GABBR2: variants seen among roughly 807,000 people sequenced by gnomAD.
The protein encoded by GABBR2 is G-protein coupled receptor 51.
GABBR2 carries 23 observed loss-of-function variants against 105.6 expected under a neutral mutation model. The observed-to-expected ratio is 0.22, with a 90% CI of 0.16 to 0.31. The LOEUF is 0.31. Ranked by LOEUF, GABBR2 falls within the 10% of genes least tolerant of loss-of-function variation. GABBR2 has a pLI of 1.00. For missense variants in GABBR2, 734 were observed against 1,245.5 expected (o/e 0.59, Z 6.18); for synonymous variants, 478 against 499.7 (o/e 0.96, Z 0.58).
intron 7 of GABBR2, among the ~76,000 whole-genome samples, chr9:98,435,035 T>C (rs1207256398): frequency 6.6e-6 from 1 of 152,122 alleles, no homozygotes; most frequent in Non-Finnish European, 1.5e-5. Context: ...CCTCCATAGA[T>C]CATGAAAGCC....
intron 4 of GABBR2, among the ~76,000 whole-genome samples, chr9:98,494,370 C>G (rs1827234990): frequency 6.6e-6 from 1 of 152,268 alleles, no homozygotes. Context: ...AAGGGGATGA[C>G]TGGACAAAGA....
intron 1 of GABBR2, among the ~76,000 whole-genome samples, chr9:98,643,480 T>G (rs1038884866): frequency 1.3e-5 from 2 of 152,242 alleles, no homozygotes; most frequent in Admixed American, 6.5e-5. Context: ...TAGAAAGATT[T>G]TAAGAGAGAA....
chr9:98,685,000 C>G (rs1478623783), intron 1 of GABBR2, among the ~76,000 whole-genome samples: 1 of 152,156 alleles, frequency 6.6e-6, no homozygotes, highest in Admixed American at 6.6e-5. Flanking sequence ...CTGGGTGTGT[C>G]TGTGAGGGTG....
At chr9:98,640,332 G>C (rs1471604361) in intron 1 of GABBR2, among the ~76,000 whole-genome samples, 1 of 152,038 alleles carries the variant, frequency 6.6e-6, no homozygotes, top group East Asian at 1.9e-4. Flanking sequence ...AACTCCATTA[G>C]TCATGGACAT....
At chr9:98,683,102 C>T (rs1830570305) in intron 1 of GABBR2, among the ~76,000 whole-genome samples, 1 of 152,136 alleles carries the variant, frequency 6.6e-6, no homozygotes, top group Non-Finnish European at 1.5e-5. Flanking sequence ...TTCCCCCCTC[C>T]ACCTCCCCCG....
At chr9:98,393,835 C>G (rs1564049002) in intron 9 of GABBR2, among the ~76,000 whole-genome samples, 1 of 152,236 alleles carries the variant, frequency 6.6e-6, no homozygotes, top group Non-Finnish European at 1.5e-5. Context: ...GGAAGAGCAG[C>G]AGATAGACAG....
chr9:98,453,862 A>C (rs1180452863), intron 7 of GABBR2, 119 bp downstream of exon 7: 5 of 758,530 alleles, frequency 6.6e-6, no homozygotes, highest in Non-Finnish European at 9.3e-6. Flanking sequence ...GCCTGCAATT[A>C]GTTATTTCAA....
chr9:98,568,250 G>A (rs1416131432), intron 2 of GABBR2, among the ~76,000 whole-genome samples: 3 of 152,156 alleles, frequency 2.0e-5, no homozygotes, highest in African/African-American at 2.4e-5. Flanking sequence ...GTGGCACCAG[G>A]CATGGAGAGA....
chr9:98,702,146 G>A (rs2131887659), intron 1 of GABBR2, among the ~76,000 whole-genome samples: 1 of 152,146 alleles, frequency 6.6e-6, no homozygotes, highest in African/African-American at 2.4e-5. Flanking sequence ...TACAAACCCA[G>A]GTCTCCTGAC....
intron 3 of GABBR2, among the ~76,000 whole-genome samples, chr9:98,513,557 C>CAA (rs998840864): frequency 5.9e-4 from 84 of 142,532 alleles, no homozygotes; most frequent in African/African-American, 2.1e-3. Flanking sequence ...AACAATTTTA[C>CAA]AAAAAAAAAA....
intron 1 of GABBR2, among the ~76,000 whole-genome samples, chr9:98,641,619 C>T (rs1829963351): frequency 6.6e-6 from 1 of 152,180 alleles, no homozygotes; most frequent in Non-Finnish European, 1.5e-5. Flanking sequence ...AAGTGAGTTC[C>T]TCTTCCTTCC....
chr9:98,343,719 A>G (rs932014540), intron 13 of GABBR2, among the ~76,000 whole-genome samples: 2 of 151,988 alleles, frequency 1.3e-5, no homozygotes, highest in African/African-American at 4.8e-5. Flanking sequence ...TTAGCCGGGT[A>G]TGGTGGCGGA....
chr9:98,367,664 A>T (rs891877052), intron 12 of GABBR2, among the ~76,000 whole-genome samples: 1 of 152,202 alleles, frequency 6.6e-6, no homozygotes, highest in Admixed American at 6.5e-5. Context: ...ACATTATTCC[A>T]GTATGAGAAA....
intron 1 of GABBR2, among the ~76,000 whole-genome samples, chr9:98,651,874 GAATT>G (rs1164229941): frequency 6.6e-6 from 1 of 152,078 alleles, no homozygotes; most frequent in African/African-American, 2.4e-5. Context: ...TTATATTAAA[GAATT>G]AATGTTGATT....
intron 7 of GABBR2, among the ~76,000 whole-genome samples, chr9:98,412,246 G>C (rs1224769532): frequency 6.6e-6 from 1 of 152,262 alleles, no homozygotes; most frequent in Non-Finnish European, 1.5e-5. Context: ...AAGCTACTCT[G>C]AGTGAAGACT....
At chr9:98,410,114 G>C (rs938510130) in intron 7 of GABBR2, among the ~76,000 whole-genome samples, 1 of 139,036 alleles carries the variant, frequency 7.2e-6, no homozygotes, top group African/African-American at 3.4e-5. Context: ...CCCAGCTTGA[G>C]CTGGAATTTT....
intron 1 of GABBR2, among the ~76,000 whole-genome samples, chr9:98,690,562 T>G (rs1830670872): frequency 6.6e-6 from 1 of 152,106 alleles, no homozygotes; most frequent in African/African-American, 2.4e-5. Context: ...GTTTGGCAGG[T>G]AGCAAGGGGC....
chr9:98,538,398 A>G (rs1456032196), intron 3 of GABBR2: 1 of 152,994 alleles, frequency 6.5e-6, no homozygotes, highest in East Asian at 1.9e-4. Context: ...CCCTGGTCCC[A>G]GCAGCAGCTC....
chr9:98,316,169 G>A (rs12352520), intron 13 of GABBR2, among the ~76,000 whole-genome samples: 10,585 of 127,670 alleles, frequency 0.083, 942 homozygotes, highest in African/African-American at 0.22. Flanking sequence ...TTTTTTTTTC[G>A]AGACAGAGTT....
Sources: gnomAD v4.1 joint callset for allele counts (sites outside exome capture counted in the v4.1 genomes callset) on GRCh38, gnomAD v4.1.1 for gene constraint, MANE v1.5 for transcripts, NCBI Gene and HGNC (gene_info 2026-07-23, HGNC 2026-07-21) for gene names.